The following TENT4A variants were observed in gnomAD, a reference collection of about 807,000 sequenced individuals.
TENT4A encodes the protein DNA polymerase kappa.
In TENT4A, 7 loss-of-function variants were observed where a neutral mutation model predicts 72.8. The observed-to-expected ratio is 0.10, with a 90% CI of 0.05 to 0.18. The LOEUF is 0.18. Ranked by LOEUF, TENT4A falls within the 10% of genes least tolerant of loss-of-function variation. The pLI is 1.00. For synonymous variants in TENT4A, 456 were observed against 434.3 expected (o/e 1.05, Z -0.62); for missense variants, 831 against 1,017.7 (o/e 0.82, Z 2.50).
chr5:6,723,399 C>CGT (rs1554006675), intron 1 of TENT4A, among the ~76,000 whole-genome samples: 8 of 151,492 alleles, frequency 5.3e-5, no homozygotes, highest in African/African-American at 1.7e-4. Context: ...CATTGTGGCT[C>CGT]GTGTGTGGGG....
At chr5:6,734,132 T>C (rs395939) in intron 1 of TENT4A, among the ~76,000 whole-genome samples, 90,096 of 152,098 alleles carry the variant, frequency 0.59, 27,456 homozygotes, top group Middle Eastern at 0.67. Flanking sequence ...AGCAGTGCGC[T>C]GTTGCGTCCA....
chr5:6,730,804 A>C (rs1452671462), intron 1 of TENT4A, among the ~76,000 whole-genome samples: 1 of 151,470 alleles, frequency 6.6e-6, no homozygotes, highest in Admixed American at 6.6e-5. Context: ...GAGTTTTCTA[A>C]TTTGTGCAGG....
At chr5:6,717,843 A>C (rs1740462290) in intron 1 of TENT4A, among the ~76,000 whole-genome samples, 1 of 152,194 alleles carries the variant, frequency 6.6e-6, no homozygotes, top group Non-Finnish European at 1.5e-5. Context: ...TTACTTTGTC[A>C]TGGTCGTTCT....
intron 1 of TENT4A, among the ~76,000 whole-genome samples, chr5:6,735,759 CTTTT>C (rs1159786956): frequency 2.2e-5 from 3 of 139,328 alleles, no homozygotes; most frequent in Non-Finnish European, 3.1e-5. Context: ...TTTTTTCTTA[CTTTT>C]TTTTTTTTTT....
intron 1 of TENT4A, among the ~76,000 whole-genome samples, chr5:6,729,505 G>A (rs1297149991): frequency 2.6e-5 from 4 of 152,248 alleles, no homozygotes; most frequent in Non-Finnish European, 5.9e-5. Flanking sequence ...AGCAAGCAAG[G>A]CTTGCACTAG....
intron 10 of TENT4A, 156 bp downstream of exon 10, chr5:6,750,659 G>T: frequency 1.6e-6 from 1 of 643,284 alleles, no homozygotes; most frequent in East Asian, 3.0e-5. Flanking sequence ...CGTGATGTGG[G>T]CACCAGGCTT....
chr5:6,736,091 A>G (rs1741475155), intron 1 of TENT4A, among the ~76,000 whole-genome samples: 1 of 152,328 alleles, frequency 6.6e-6, no homozygotes, highest in African/African-American at 2.4e-5. Flanking sequence ...TGTGATACAT[A>G]AAATTAGGCT....
chr5:6,726,929 C>G (rs925353997), intron 1 of TENT4A, among the ~76,000 whole-genome samples: 4 of 152,148 alleles, frequency 2.6e-5, no homozygotes, highest in African/African-American at 7.2e-5. Context: ...CCGGTCCCAT[C>G]TTCCTGTGGG....
intron 4 of TENT4A, among the ~76,000 whole-genome samples, chr5:6,741,268 C>G (rs1050242776): frequency 2.0e-5 from 3 of 152,142 alleles, no homozygotes; most frequent in African/African-American, 7.2e-5. Flanking sequence ...ACTGTGCAGC[C>G]GGCCAGTCAT....
At chr5:6,733,352 T>A (rs1375468152) in intron 1 of TENT4A, among the ~76,000 whole-genome samples, 1 of 152,242 alleles carries the variant, frequency 6.6e-6, no homozygotes, top group Non-Finnish European at 1.5e-5. Flanking sequence ...GGGAGGGGAA[T>A]GATGGCATGC....
intron 5 of TENT4A, 97 bp downstream of exon 5, chr5:6,742,694 C>A: frequency 2.7e-6 from 2 of 731,222 alleles, no homozygotes; most frequent in Admixed American, 1.9e-5. Flanking sequence ...GCTGCACACA[C>A]AAGTCTTTCG....
intron 1 of TENT4A, among the ~76,000 whole-genome samples, chr5:6,718,230 G>A (rs1426146771): frequency 2.6e-5 from 4 of 152,230 alleles, no homozygotes; most frequent in East Asian, 1.9e-4. Context: ...CCCGCAAGGC[G>A]TCTGGTGAGA....
intron 1 of TENT4A, among the ~76,000 whole-genome samples, chr5:6,722,553 T>TG (rs1285632533): frequency 1.0e-4 from 15 of 150,076 alleles, no homozygotes; most frequent in African/African-American, 2.5e-4. Flanking sequence ...GTTAGTTTTT[T>TG]TTTTTTTTTT....
At chr5:6,738,576 A>AT (rs1381192455) in intron 2 of TENT4A, 107 bp from the exon 3 acceptor site, 3 of 830,488 alleles carry the variant, frequency 3.6e-6, no homozygotes, top group African/African-American at 1.7e-5. Flanking sequence ...AGGTAGTTTT[A>AT]TTTTTTACCC....
At chr5:6,727,552 C>T (rs748176106) in intron 1 of TENT4A, among the ~76,000 whole-genome samples, 2 of 152,182 alleles carry the variant, frequency 1.3e-5, no homozygotes, top group African/African-American at 4.8e-5. Context: ...CTTAGTCCAT[C>T]CCACCTGGGG....
At chr5:6,747,123 T>G (rs1742146920) in intron 7 of TENT4A, among the ~76,000 whole-genome samples, 1 of 152,274 alleles carries the variant, frequency 6.6e-6, no homozygotes, top group South Asian at 2.1e-4. Context: ...AACACATTGC[T>G]ATTTATGAAT....
intron 1 of TENT4A, among the ~76,000 whole-genome samples, chr5:6,730,669 C>A (rs1383676798): frequency 6.6e-6 from 1 of 150,782 alleles, no homozygotes. Context: ...CTGAGGCAGG[C>A]ACTAAAAGCA....
In TENT4A at chr5:6,748,607, C is replaced by A; in HGVS notation, c.1586+17C>A. The A allele has an allele frequency of 6.2e-7, 1 of 1,604,514 alleles. No homozygotes were observed. ...CGCCGAAAGGTAATGGGTTGTGTGT[C>A]TGCGTCTGGGCTCAGCGTGCCTGTG... On this transcript the variant is annotated intron_variant, in intron 8 of 12. Coordinates refer to ENST00000230859, the MANE Select transcript of TENT4A (RefSeq NM_006999.6).
rs1442141404 is a variant in TENT4A, at chr5:6,713,577, G to A, written c.-407G>A. 6.8e-6 allele frequency: 1 copy of A among 146,478 alleles called. No individual in the cohort carries two copies. Among genetic ancestry groups the A allele is most frequent in the South Asian group, 1.8e-4 (1 of 5,520 alleles). The allele number at this position is 146,478 out of a possible 1,614,324, so 9.1% of individuals were successfully genotyped here. ...CCCGCGGGTCCTTCAGCCGCTCGGC[G>A]CCTGGGCCCGCCCCCTCGGCCCCGC... is the stretch of plus-strand genomic sequence containing the variant. On this transcript the variant is annotated 5_prime_UTR_variant, in exon 1 of 13. Transcript: ENST00000230859.
Sources: allele counts gnomAD v4.1 joint callset (sites outside exome capture counted in the v4.1 genomes callset), GRCh38; gene constraint gnomAD v4.1.1; transcripts MANE v1.5; gene names NCBI Gene and HGNC (gene_info 2026-07-23, HGNC 2026-07-21).